Variants in DNAH11 observed in about 807,000 individuals in gnomAD.
DNAH11 encodes the protein axonemal beta dynein heavy chain 11.
Under a neutral mutation model 526.0 loss-of-function variants are expected in DNAH11, and 442 were observed. The observed-to-expected ratio is 0.84, with a 90% CI of 0.78 to 0.91. The LOEUF (loss-of-function observed/expected upper bound fraction) is 0.91. Among genes scored for constraint, DNAH11 ranks in the 40% least tolerant of loss-of-function variants. The pLI is 0.00. For synonymous variants in DNAH11, 2,461 were observed against 1,935.9 expected, an observed-to-expected ratio of 1.27 and a Z score of -7.12; for missense variants, 6,989 against 5,448.7, an observed-to-expected ratio of 1.28 and a Z score of -8.90.
intron 63 of DNAH11, among the ~76,000 whole-genome samples, chr7:21,809,650 G>A (rs7809104): frequency 0.41 from 62,837 of 151,760 alleles, 13,903 homozygotes; most frequent in East Asian, 0.82. Flanking sequence ...TACAACCTCC[G>A]CCCCCGAGGT....
chr7:21,798,624 C>G (rs552340463), intron 61 of DNAH11, among the ~76,000 whole-genome samples: 12 of 152,172 alleles, frequency 7.9e-5, no homozygotes, highest in African/African-American at 2.7e-4. Context: ...GCAAATCACT[C>G]AACTGATCTT....
rs759100599 is a variant in DNAH11, at chr7:21,892,868, A to C, written c.12750+201A>C. On this transcript the variant is annotated intron_variant, in intron 77 of 81. Transcript: ENST00000409508. ...AGTCAACATACCCCTCACCTCCCCC[A>C]GAGATAATCAGTATCTTTACCTCTA... Among the ~76,000 whole-genome samples the C allele has an allele frequency of 7.9e-5, 12 of 152,150 alleles. No individual in the cohort carries two copies. The East Asian group carries it at 1.9e-3, about 24-fold the overall frequency.
At position 21,656,119 on chromosome 7, in the gene DNAH11, A is replaced by G. The variant is rs1017657915; in HGVS notation, c.5094+138A>G. 44 of 972,978 alleles carry G rather than the reference A, an allele frequency of 4.5e-5. No individual in the cohort carries two copies. In the African/African-American group the frequency reaches 6.5e-4, roughly 14 times the overall value. The allele number at this position is 972,978 out of a possible 1,614,324, so 60.3% of individuals were successfully genotyped here. A position where few individuals can be genotyped will look rare whatever the true frequency, so the allele number is the denominator to read the frequency against. On this transcript the variant is annotated intron_variant, in intron 29 of 81. Transcript: ENST00000409508. ...GTTTTGTGCTCGGAGGTTCCTTTTT[A>G]TCTGTATCCACTGTGACAGAGGGCT...
At chr7:21,606,609 A>AATTC (rs1334280956) in intron 19 of DNAH11, 38 bp from the exon 20 acceptor site, 11 of 1,478,730 alleles carry the variant, frequency 7.4e-6, no homozygotes, top group Non-Finnish European at 1.0e-5. Flanking sequence ...ATTTGTTTGA[A>AATTC]ATTCACTTTT....
chr7:21,857,790 C>T (rs1782909492), intron 68 of DNAH11, among the ~76,000 whole-genome samples: 1 of 152,080 alleles, frequency 6.6e-6, no homozygotes, highest in African/African-American at 2.4e-5. Context: ...ATAAAATAAA[C>T]CTCAAACTAT....
chr7:21,886,967 G>A (rs1276947881), intron 76 of DNAH11, among the ~76,000 whole-genome samples: 1 of 152,172 alleles, frequency 6.6e-6, no homozygotes, highest in East Asian at 1.9e-4. Context: ...GCTGTCAGAG[G>A]CTGCAAATCC....
chr7:21,671,064 G>A (rs904260701), intron 30 of DNAH11, among the ~76,000 whole-genome samples: 1 of 152,230 alleles, frequency 6.6e-6, no homozygotes, highest in South Asian at 2.1e-4. Context: ...TCTATTTTGT[G>A]AAAGAGCTTA....
Position 21,887,688 on chromosome 7 carries a change from T to C in DNAH11, c.12507+3278T>C, listed in dbSNP as rs149301945. On this transcript the variant is annotated intron_variant, in intron 76 of 81. Transcript: ENST00000409508. ...TTTTATTATAAAGTATACATTTTCATTATATATATTTAATATTTGGCTATA... is the reference window on the plus strand; with the variant it reads ...TTTTATTATAAAGTATACATTTTCACTATATATATTTAATATTTGGCTATA... 1.1e-3 allele frequency among the ~76,000 whole-genome samples: 169 copies of C among 152,306 alleles called. 2 individuals are homozygous for C. Among genetic ancestry groups the C allele is most frequent in the African/African-American group, 3.8e-3 (159 of 41,572 alleles).
chr7:21,649,942 C>T (rs537775247), intron 28 of DNAH11, among the ~76,000 whole-genome samples: 4 of 152,166 alleles, frequency 2.6e-5, no homozygotes, highest in Admixed American at 2.6e-4. Flanking sequence ...TGGGATTACA[C>T]ACGTGAGCCC....
intron 69 of DNAH11, among the ~76,000 whole-genome samples, chr7:21,863,620 T>C (rs941644058): frequency 6.6e-6 from 1 of 152,166 alleles, no homozygotes; most frequent in Admixed American, 6.5e-5. Context: ...AATACTTGTT[T>C]TGTATGTACT....
Position 21,616,258 on chromosome 7 carries a change from A to G in DNAH11, c.4061A>G (p.Glu1354Gly). 1 of 1,613,560 alleles carries G rather than the reference A, an allele frequency of 6.2e-7. No individual in the cohort carries two copies. Among genetic ancestry groups the G allele is most frequent in the Non-Finnish European group, 8.5e-7 (1 of 1,179,682 alleles). ...TKTQWRQIHV[E>G]QMDVELRRFA... ...ACCCAGTGGAGACAGATTCATGTGGAACAGATGGATGTAGAACTCAGAAGG... is the reference window on the plus strand; with the variant it reads ...ACCCAGTGGAGACAGATTCATGTGGGACAGATGGATGTAGAACTCAGAAGG... Residue 1354 changes from glutamate to glycine, a missense_variant, in exon 22 of 82, where the codon GAA (glutamate) becomes GGA (glycine). Coordinates refer to ENST00000409508, the MANE Select transcript of DNAH11 (RefSeq NM_001277115.2).
intron 62 of DNAH11, 64 bp downstream of exon 62, chr7:21,801,339 A>T: frequency 6.3e-7 from 1 of 1,583,952 alleles, no homozygotes; most frequent in Admixed American, 1.8e-5. Flanking sequence ...GGATTTTATT[A>T]TTTGCCATCA....
intron 5 of DNAH11, among the ~76,000 whole-genome samples, chr7:21,563,764 C>T (rs1179163456): frequency 6.6e-6 from 1 of 152,110 alleles, no homozygotes; most frequent in Non-Finnish European, 1.5e-5. Flanking sequence ...AGAGAGTAAA[C>T]AATTCAATTG....
At chr7:21,784,073 G>T (rs1164679373) in intron 57 of DNAH11, among the ~76,000 whole-genome samples, 2 of 152,218 alleles carry the variant, frequency 1.3e-5, no homozygotes, top group African/African-American at 4.8e-5. Flanking sequence ...TAGCCCAGAT[G>T]TTTGTTAATC....
At position 21,601,401 on chromosome 7, in the gene DNAH11, A is replaced by T. The variant is rs762955756; in HGVS notation, c.3431A>T (p.Asn1144Ile). ...TGTACATATATATTTAATAGTCTGA[A>T]TGAGCTACAAGAATTTATAAAGGAG... ...HLLRFVIDSL[N>I]ELQEFIKETD... The change falls in exon 18 of 82, where the codon AAT (asparagine) becomes ATT (isoleucine). Residue 1144 changes from asparagine to isoleucine, a missense_variant. Physicochemically the swap from Asn to Ile is moderately radical, Grantham distance 149. Coordinates refer to ENST00000409508, the MANE Select transcript of DNAH11 (RefSeq NM_001277115.2). 1.9e-6 allele frequency: 3 copies of T among 1,611,430 alleles called. No homozygotes were observed. Among genetic ancestry groups the T allele is most frequent in the Non-Finnish European group, 8.5e-7 (1 of 1,178,604 alleles).
intron 76 of DNAH11, among the ~76,000 whole-genome samples, chr7:21,888,373 A>G (rs770836738): frequency 1.3e-5 from 2 of 152,160 alleles, no homozygotes; most frequent in African/African-American, 2.4e-5. Context: ...AAATACCAGA[A>G]AGGAAAATAT....
At chr7:21,851,650 CAAA>C (rs1014793993) in intron 66 of DNAH11, 1 of 471,216 alleles carries the variant, frequency 2.1e-6, no homozygotes, top group African/African-American at 2.0e-5. Context: ...AGGTAAAACT[CAAA>C]GAAGTGTAGA....
chr7:21,726,643 C>T (rs935248420), intron 45 of DNAH11, among the ~76,000 whole-genome samples: 3 of 151,280 alleles, frequency 2.0e-5, no homozygotes, highest in East Asian at 2.0e-4. Flanking sequence ...GGGCAGATCA[C>T]GAGGTCAGGA....
chr7:21,620,618 G>T (rs1424565066), intron 25 of DNAH11, among the ~76,000 whole-genome samples: 1 of 151,458 alleles, frequency 6.6e-6, no homozygotes, highest in African/African-American at 2.4e-5. Context: ...CAATGTGCAG[G>T]TTAGTTACAT....
Sources: gnomAD v4.1 joint callset for allele counts (sites outside exome capture counted in the v4.1 genomes callset) on GRCh38, gnomAD v4.1.1 for gene constraint, MANE v1.5 for transcripts, NCBI Gene and HGNC (gene_info 2026-07-23, HGNC 2026-07-21) for gene names.